The following DOCK1 variants were observed in gnomAD, a reference collection of about 807,000 sequenced individuals.
DOCK1 encodes dedicator of cytokinesis protein 1.
DOCK1 carries 138 observed loss-of-function variants against 262.7 expected under a neutral mutation model. That is an observed-to-expected ratio of 0.53 (90% CI 0.46 to 0.61). The LOEUF (loss-of-function observed/expected upper bound fraction) is 0.61. Ranked by LOEUF, DOCK1 falls within the 20% of genes least tolerant of loss-of-function variation. DOCK1 has a pLI of 0.00. For synonymous variants in DOCK1, 866 were observed against 867.4 expected, an observed-to-expected ratio of 1.00 and a Z score of 0.03; for missense variants, 1,908 against 2,370.7, an observed-to-expected ratio of 0.80 and a Z score of 4.05.
intron 6 of DOCK1, among the ~76,000 whole-genome samples, chr10:126,991,179 C>T (rs11016748): frequency 6.6e-6 from 1 of 152,172 alleles, no homozygotes; most frequent in African/African-American, 2.4e-5. Context: ...AGGCATCCCC[C>T]CAGCTCTGCA....
At chr10:127,270,217 G>A (rs1374454682) in intron 29 of DOCK1, among the ~76,000 whole-genome samples, 1 of 152,158 alleles carries the variant, frequency 6.6e-6, no homozygotes, top group Non-Finnish European at 1.5e-5. Context: ...AAGCTAAGCA[G>A]GGACTTCCAA....
chr10:127,034,752 C>T (rs2043477090), intron 18 of DOCK1, among the ~76,000 whole-genome samples: 1 of 152,142 alleles, frequency 6.6e-6, no homozygotes, highest in African/African-American at 2.4e-5. Context: ...AAAGCATGCT[C>T]GGAAGTCATT....
intron 38 of DOCK1, among the ~76,000 whole-genome samples, chr10:127,392,193 G>A (rs1451643452): frequency 1.3e-5 from 2 of 151,582 alleles, no homozygotes; most frequent in African/African-American, 4.9e-5. Flanking sequence ...AAACTTTCGT[G>A]GCTTTTGGAG....
intron 25 of DOCK1, among the ~76,000 whole-genome samples, chr10:127,111,840 C>T (rs2048884142): frequency 6.6e-6 from 1 of 152,156 alleles, no homozygotes; most frequent in African/African-American, 2.4e-5. Flanking sequence ...CCATGAATAA[C>T]AATTGTTGTA....
intron 31 of DOCK1, among the ~76,000 whole-genome samples, chr10:127,350,244 A>AAT (rs2063818869): frequency 7.1e-6 from 1 of 140,450 alleles, no homozygotes; most frequent in South Asian, 2.3e-4. Flanking sequence ...CTTAAAAAAA[A>AAT]AGTGGCGGCA....
chr10:127,306,749 A>C (rs567460518), intron 29 of DOCK1, among the ~76,000 whole-genome samples: 2 of 152,276 alleles, frequency 1.3e-5, no homozygotes, highest in African/African-American at 4.8e-5. Context: ...TTTAAAATTT[A>C]TCTCTCTGTG....
At chr10:126,971,393 A>G (rs2038098773) in intron 2 of DOCK1, among the ~76,000 whole-genome samples, 1 of 152,034 alleles carries the variant, frequency 6.6e-6, no homozygotes, top group Admixed American at 6.6e-5. Flanking sequence ...TGACCACTTG[A>G]TAAAAAATAG....
chr10:127,259,978 T>C (rs1199612265), intron 29 of DOCK1, among the ~76,000 whole-genome samples: 1 of 152,120 alleles, frequency 6.6e-6, no homozygotes, highest in Non-Finnish European at 1.5e-5. Flanking sequence ...GGGAGTGCTA[T>C]GGTTCTGGTT....
At position 126,970,802 on chromosome 10, in the gene DOCK1, G is replaced by T; in HGVS notation, c.130+17G>T. ...CATATGAAGGTGCGTATGCATCTTG[G>T]TATCTTTTCTCTTACATTTTGGGCA... On this transcript the variant is annotated intron_variant, in intron 2 of 51. Coordinates refer to ENST00000623213, the MANE Select transcript of DOCK1 (RefSeq NM_001290223.2). 6.2e-7 allele frequency: 1 copy of T among 1,608,336 alleles called. No homozygotes were observed. The highest frequency in any genetic ancestry group is 8.5e-7 in the Non-Finnish European group (1 of 1,176,324).
intron 32 of DOCK1, among the ~76,000 whole-genome samples, chr10:127,361,571 A>G (rs151139128): frequency 2.0e-5 from 3 of 152,188 alleles, no homozygotes; most frequent in Non-Finnish European, 2.9e-5. Context: ...CATTATTTAC[A>G]GAGGTGTCAG....
At chr10:127,142,063 A>G (rs1247397261) in intron 27 of DOCK1, among the ~76,000 whole-genome samples, 1 of 152,170 alleles carries the variant, frequency 6.6e-6, no homozygotes, top group East Asian at 1.9e-4. Flanking sequence ...TCGCTGTGCT[A>G]AGGGGAGCGT....
At chr10:127,226,455 T>C (rs2058643739) in intron 27 of DOCK1, among the ~76,000 whole-genome samples, 1 of 151,860 alleles carries the variant, frequency 6.6e-6, no homozygotes, top group African/African-American at 2.4e-5. Context: ...ATAAATAGTA[T>C]GTGGGAAGCT....
At chr10:127,213,830 T>C (rs1051304972) in intron 27 of DOCK1, among the ~76,000 whole-genome samples, 21 of 152,270 alleles carry the variant, frequency 1.4e-4, no homozygotes, top group African/African-American at 4.8e-4. Flanking sequence ...TCAGTAATAT[T>C]CATCAGCATC....
chr10:127,432,834 C>G (rs2069391465), intron 47 of DOCK1, among the ~76,000 whole-genome samples: 1 of 152,124 alleles, frequency 6.6e-6, no homozygotes, highest in Non-Finnish European at 1.5e-5. Context: ...TTATTTTTGT[C>G]TAGAGGAGGT....
At chr10:127,343,425 A>G (rs2063509695) in intron 30 of DOCK1, among the ~76,000 whole-genome samples, 1 of 152,152 alleles carries the variant, frequency 6.6e-6, no homozygotes, top group Non-Finnish European at 1.5e-5. Context: ...TAAATGGCAG[A>G]CCCGGGATTT....
At chr10:127,016,923 C>CCACA (rs57658043) in intron 12 of DOCK1, among the ~76,000 whole-genome samples, 27 of 139,456 alleles carry the variant, frequency 1.9e-4, no homozygotes, top group Non-Finnish European at 4.2e-4. Flanking sequence ...ACACCACACA[C>CCACA]CACACACACA....
chr10:127,398,749 C>A (rs573411434), intron 38 of DOCK1, among the ~76,000 whole-genome samples: 2 of 152,176 alleles, frequency 1.3e-5, no homozygotes, highest in Non-Finnish European at 2.9e-5. Context: ...AGTCGCCCAC[C>A]AGTATCCTGG....
chr10:127,103,351 A>G (rs1411004580), intron 23 of DOCK1, among the ~76,000 whole-genome samples: 1 of 152,192 alleles, frequency 6.6e-6, no homozygotes, highest in Non-Finnish European at 1.5e-5. Context: ...GACCGCCAAA[A>G]CAGGAGAAGG....
At chr10:127,014,609 G>A (rs913756142) in intron 12 of DOCK1, among the ~76,000 whole-genome samples, 6 of 152,186 alleles carry the variant, frequency 3.9e-5, no homozygotes, top group Non-Finnish European at 8.8e-5. Flanking sequence ...CCTTCAAAGA[G>A]CATCTTTCTG....
Sources: allele counts gnomAD v4.1 joint callset (sites outside exome capture counted in the v4.1 genomes callset), GRCh38; gene constraint gnomAD v4.1.1; transcripts MANE v1.5; gene names NCBI Gene and HGNC (gene_info 2026-07-23, HGNC 2026-07-21).